The following EPHB1 variants were observed in gnomAD, a reference collection of about 807,000 sequenced individuals.
The protein encoded by EPHB1 is EPH receptor B1, also known as ephrin type-B receptor 1.
Under a neutral mutation model 94.4 loss-of-function variants are expected in EPHB1, and 30 were observed. That is an observed-to-expected ratio of 0.32 (90% confidence interval 0.24 to 0.43). The LOEUF is 0.43. EPHB1 is among the 20% of genes least tolerant of loss of function. The pLI is 1.00. For synonymous variants in EPHB1, 522 were observed against 489.1 expected, an observed-to-expected ratio of 1.07 and a Z score of -0.89; for missense variants, 1,055 against 1,308.3, an observed-to-expected ratio of 0.81 and a Z score of 2.99.
chr3:134,799,573 C>T (rs897872487), intron 1 of EPHB1, among the ~76,000 whole-genome samples: 1 of 152,204 alleles, frequency 6.6e-6, no homozygotes, highest in Non-Finnish European at 1.5e-5. Context: ...GCAATGTAAA[C>T]AACTGCAGAG....
At chr3:134,952,371 TCACA>T (rs796675356) in intron 3 of EPHB1, among the ~76,000 whole-genome samples, 2 of 148,308 alleles carry the variant, frequency 1.3e-5, no homozygotes, top group East Asian at 2.0e-4. Context: ...TCTCTCTCTC[TCACA>T]CACACACACA....
intron 12 of EPHB1, among the ~76,000 whole-genome samples, chr3:135,216,919 T>C (rs1943162102): frequency 1.3e-5 from 2 of 152,034 alleles, no homozygotes; most frequent in African/African-American, 4.8e-5. Context: ...AGCCCCATCT[T>C]TTCTAAGTAA....
rs111516463 is a variant in EPHB1 at position 135,018,014 on chromosome 3, A to G, written c.805+65962A>G. 7.0e-3 allele frequency among the ~76,000 whole-genome samples: 1,073 copies of G among 152,204 alleles called. 8 individuals are homozygous for G. Among genetic ancestry groups the G allele is most frequent in the Non-Finnish European group, 9.9e-3 (676 of 67,996 alleles). On this transcript the variant is annotated intron_variant, in intron 3 of 15. Transcript: ENST00000398015. Reference sequence around the variant, plus strand: ...TGCCTGGACTGTGAGGGGGGGCATGATGAGAGCTCCAGGGAGGGCAGAGGA... The same window carrying G: ...TGCCTGGACTGTGAGGGGGGGCATGGTGAGAGCTCCAGGGAGGGCAGAGGA...
At chr3:134,909,076 G>A (rs1359591896) in intron 1 of EPHB1, among the ~76,000 whole-genome samples, 1 of 131,556 alleles carries the variant, frequency 7.6e-6, no homozygotes, top group Non-Finnish European at 1.6e-5. Flanking sequence ...TCAGCAATGG[G>A]TGCTGGCCCA....
Position 135,239,173 on chromosome 3 carries a change from T to C in EPHB1, c.2347-1975T>C, listed in dbSNP as rs188164744. Among the ~76,000 whole-genome samples the C allele has an allele frequency of 9.8e-5, 15 of 152,338 alleles. No homozygotes were observed. In the East Asian group the frequency reaches 1.7e-3, roughly 18 times the overall value. On this transcript the variant is annotated intron_variant, in intron 12 of 15. Transcript: ENST00000398015. ...CACCATCCTCAGGGGAAATTAGGAC[T>C]GTCTTCTTTGCAGAAAGTGGGATGT...
At chr3:135,236,138 T>C (rs1943647424) in intron 12 of EPHB1, among the ~76,000 whole-genome samples, 1 of 152,220 alleles carries the variant, frequency 6.6e-6, no homozygotes, top group Non-Finnish European at 1.5e-5. Context: ...AGGCTGAAAG[T>C]CTGAGATCAA....
intron 9 of EPHB1, among the ~76,000 whole-genome samples, chr3:135,168,983 G>A (rs1447858813): frequency 6.6e-6 from 1 of 152,164 alleles, no homozygotes; most frequent in African/African-American, 2.4e-5. Flanking sequence ...GGGTATAGAG[G>A]TTCTCCAAAC....
intron 10 of EPHB1, among the ~76,000 whole-genome samples, chr3:135,192,225 T>C (rs765087431): frequency 1.1e-4 from 6 of 56,662 alleles, no homozygotes; most frequent in Admixed American, 1.7e-4. Context: ...AAATGAATCA[T>C]GATCCTGCCA....
At chr3:135,128,870 A>G (rs1940310709) in intron 4 of EPHB1, among the ~76,000 whole-genome samples, 1 of 152,110 alleles carries the variant, frequency 6.6e-6, no homozygotes, top group South Asian at 2.1e-4. Context: ...CTCCACAAAT[A>G]TGCACTGGCA....
chr3:134,904,201 ACATTTCTTTCTGAGG>A (rs1362190674), intron 1 of EPHB1, among the ~76,000 whole-genome samples: 4 of 152,196 alleles, frequency 2.6e-5, no homozygotes, highest in African/African-American at 7.2e-5. Flanking sequence ...CTCTGAGTGA[ACATTTCTTTCTGAGG>A]CTGGATTCTG....
intron 10 of EPHB1, among the ~76,000 whole-genome samples, chr3:135,192,340 T>TCTGAAATTCC (rs1445579707): frequency 3.2e-3 from 8 of 2,476 alleles, no homozygotes; most frequent in African/African-American, 8.4e-3. Flanking sequence ...CCACTTTAGT[T>TCTGAAATTCC]ACCCAAACTA....
At chr3:135,191,744 G>A (rs1942462511) in intron 10 of EPHB1, among the ~76,000 whole-genome samples, 1 of 152,092 alleles carries the variant, frequency 6.6e-6, no homozygotes, top group South Asian at 2.1e-4. Context: ...ATGGAGGTGT[G>A]CAGCTCATGC....
chr3:135,010,930 C>T (rs568156846), intron 3 of EPHB1, among the ~76,000 whole-genome samples: 1 of 152,316 alleles, frequency 6.6e-6, no homozygotes, highest in South Asian at 2.1e-4. Context: ...AAGAGCCACA[C>T]TTGGATAAAC....
At chr3:134,894,885 G>A (rs1223499850) in intron 1 of EPHB1, among the ~76,000 whole-genome samples, 2 of 152,168 alleles carry the variant, frequency 1.3e-5, no homozygotes, top group Non-Finnish European at 2.9e-5. Flanking sequence ...TTTTTCTGTG[G>A]TTTCTCTTTT....
intron 4 of EPHB1, among the ~76,000 whole-genome samples, chr3:135,115,205 C>T (rs942088917): frequency 6.6e-6 from 1 of 152,194 alleles, no homozygotes; most frequent in Non-Finnish European, 1.5e-5. Context: ...CAAAGCTGTC[C>T]TCTCCATGAC....
chr3:135,204,203 T>A (rs951762861), intron 12 of EPHB1, among the ~76,000 whole-genome samples: 1 of 152,056 alleles, frequency 6.6e-6, no homozygotes, highest in Non-Finnish European at 1.5e-5. Flanking sequence ...TTAAGTTTTT[T>A]ATTTTTTTTT....
chr3:135,064,135 G>A (rs761583713), intron 3 of EPHB1, among the ~76,000 whole-genome samples: 7 of 151,948 alleles, frequency 4.6e-5, no homozygotes, highest in Admixed American at 2.0e-4. Context: ...TGTTCATCAC[G>A]GATATTAATC....
At position 134,833,035 on chromosome 3, in the gene EPHB1, C is replaced by A. The variant is rs1219668282; in HGVS notation, c.58+37346C>A. Among the ~76,000 whole-genome samples, 3 of 152,158 alleles carry A rather than the reference C, an allele frequency of 2.0e-5. No homozygotes were observed. In the East Asian group the frequency reaches 5.8e-4, roughly 29 times the overall value. ...TTTTTTCTGGTTGGAGAAGAAGAGT[C>A]TTGAATATTTGCAGGTGGAAGTCTG... On this transcript the variant is annotated intron_variant, in intron 1 of 15. Transcript: ENST00000398015.
chr3:135,126,854 C>G (rs189668389), intron 4 of EPHB1, among the ~76,000 whole-genome samples: 4 of 152,182 alleles, frequency 2.6e-5, no homozygotes, highest in African/African-American at 9.7e-5. Flanking sequence ...CATGACCTCA[C>G]GGCTTTCACA....
Sources: gnomAD v4.1 joint callset for allele counts (sites outside exome capture counted in the v4.1 genomes callset) on GRCh38, gnomAD v4.1.1 for gene constraint, MANE v1.5 for transcripts, NCBI Gene and HGNC (gene_info 2026-07-23, HGNC 2026-07-21) for gene names.